Variants in ITGAV observed in about 807,000 individuals in gnomAD.
ITGAV encodes integrin alpha-V.
ITGAV carries 76 observed loss-of-function variants against 143.8 expected under a neutral mutation model. The ratio of observed to expected loss-of-function variants is 0.53; its 90% CI spans 0.44 to 0.64. ITGAV has a LOEUF of 0.64. Ranked by LOEUF, ITGAV falls within the 30% of genes least tolerant of loss-of-function variation. The pLI is 0.00. For synonymous variants in ITGAV, 453 were observed against 446.7 expected (o/e 1.01, Z -0.18); for missense variants, 1,193 against 1,274.7 (o/e 0.94, Z 0.98).
intron 11 of ITGAV, 29 bp from the exon 12 acceptor site, chr2:186,641,357 G>T: frequency 1.3e-6 from 2 of 1,580,304 alleles, no homozygotes; most frequent in Non-Finnish European, 1.7e-6. Flanking sequence ...ATTTGTTCTT[G>T]CTTTGGTGAG....
chr2:186,614,580 T>C (rs779248338), intron 2 of ITGAV, among the ~76,000 whole-genome samples: 16 of 152,058 alleles, frequency 1.1e-4, no homozygotes, highest in Non-Finnish European at 2.1e-4. Context: ...GTGAAACATA[T>C]ATCTTGTTTT....
intron 1 of ITGAV, among the ~76,000 whole-genome samples, chr2:186,599,338 T>C (rs1686833302): frequency 6.6e-6 from 1 of 152,186 alleles, no homozygotes; most frequent in Non-Finnish European, 1.5e-5. Context: ...GCCCCTCCTC[T>C]TTCGACGCTT....
chr2:186,678,639 A>G lies in ITGAV; in HGVS notation c.*1347A>G. ...CACATAGGTGGCAAGTTGTAGTTTTATATGGCTCTGTAGAGTGGTGAACCT... is the reference window on the plus strand; with the variant it reads ...CACATAGGTGGCAAGTTGTAGTTTTGTATGGCTCTGTAGAGTGGTGAACCT... On this transcript the variant is annotated 3_prime_UTR_variant, in exon 30 of 30. Coordinates refer to ENST00000261023, the MANE Select transcript of ITGAV (RefSeq NM_002210.5). 1 of 409,608 alleles carries G rather than the reference A, an allele frequency of 2.4e-6. No homozygotes were observed. Among genetic ancestry groups the G allele is most frequent in the Non-Finnish European group, 4.8e-6 (1 of 208,392 alleles). The allele number at this position is 409,608 out of a possible 1,614,324, so 25.4% of individuals were successfully genotyped here.
In ITGAV at chr2:186,649,032, GTGTGTATATATATACACACATTTA is replaced by G. The variant is rs1230308030; in HGVS notation, c.1352-807_1352-784del. Among the ~76,000 whole-genome samples, 39 of 21,920 alleles carry G rather than the reference GTGTGTATATATATACACACATTTA, an allele frequency of 1.8e-3. 1 individual carries two copies. Among genetic ancestry groups the G allele is most frequent in the African/African-American group, 4.6e-3 (35 of 7,538 alleles). The allele number at this position is 21,920 out of a possible 152,430, so 14.4% of individuals were successfully genotyped here. The stretch of plus-strand genomic sequence containing the variant: ...TTTGTGTGTATATATATACACATTT[GTGTGTATATATATACACACATTTA>G]CTTCTGTGAATTTCCTTTTTGTGTC... On this transcript the variant is annotated intron_variant, in intron 13 of 29. Transcript: ENST00000261023.
chr2:186,613,810 C>A (rs1248184091), intron 2 of ITGAV, among the ~76,000 whole-genome samples: 1 of 152,106 alleles, frequency 6.6e-6, no homozygotes, highest in East Asian at 1.9e-4. Context: ...TCAACGAAAT[C>A]ATTAACCACC....
At chr2:186,643,406 A>G (rs1366051842) in intron 12 of ITGAV, among the ~76,000 whole-genome samples, 1 of 152,230 alleles carries the variant, frequency 6.6e-6, no homozygotes, top group African/African-American at 2.4e-5. Flanking sequence ...TAGATTGTGA[A>G]TGATAATGTC....
intron 18 of ITGAV, among the ~76,000 whole-genome samples, chr2:186,663,160 C>G (rs2105740483): frequency 6.6e-6 from 1 of 152,186 alleles, no homozygotes; most frequent in African/African-American, 2.4e-5. Flanking sequence ...TTCACCTACC[C>G]TGATTGGTTA....
At position 186,678,809 on chromosome 2, in the gene ITGAV, G is replaced by T. The variant is rs200598219; in HGVS notation, c.*1517G>T. 2.3e-6 allele frequency: 1 copy of T among 432,904 alleles called. No individual in the cohort carries two copies. The highest frequency in any genetic ancestry group is 4.6e-6 in the Non-Finnish European group (1 of 218,550). 26.8% of individuals were successfully genotyped at this position (432,904 alleles called of 1,614,324 possible). A position where few individuals can be genotyped will look rare whatever the true frequency, so the allele number is the denominator to read the frequency against. On this transcript the variant is annotated 3_prime_UTR_variant, in exon 30 of 30. Coordinates refer to ENST00000261023, the MANE Select transcript of ITGAV (RefSeq NM_002210.5). ...TTAACTGCTGTCCTCATTAGGTAAT[G>T]ATAAATATTTCCCTTAAATAATTGA...
Position 186,595,814 on chromosome 2 carries a change from A to G in ITGAV, c.185+5291A>G, listed in dbSNP as rs61763613. On this transcript the variant is annotated intron_variant, in intron 1 of 29. Transcript: ENST00000261023. Reference sequence around the variant, plus strand: ...TTAAGTCACTCAGCTTCAGATTTACACTGCTAATCAGTGAAAACTCTTGTC... The same window carrying G: ...TTAAGTCACTCAGCTTCAGATTTACGCTGCTAATCAGTGAAAACTCTTGTC... Among the ~76,000 whole-genome samples the G allele has an allele frequency of 8.7e-3, 1,331 of 152,226 alleles. 11 individuals are homozygous for G. The highest frequency in any genetic ancestry group is 0.012 in the Non-Finnish European group (838 of 68,002).
chr2:186,641,726 C>A, intron 12 of ITGAV, 138 bp downstream of exon 12: 5 of 645,652 alleles, frequency 7.7e-6, no homozygotes, highest in South Asian at 2.1e-5. Flanking sequence ...GAGTAACACA[C>A]CAAATTTAAA....
intron 10 of ITGAV, among the ~76,000 whole-genome samples, chr2:186,640,350 A>G (rs1009276945): frequency 6.6e-6 from 1 of 152,212 alleles, no homozygotes; most frequent in Non-Finnish European, 1.5e-5. Flanking sequence ...GTGGCAAGTA[A>G]TCTATAGAGA....
At chr2:186,590,979 C>T (rs1200393009) in intron 1 of ITGAV, among the ~76,000 whole-genome samples, 2 of 152,098 alleles carry the variant, frequency 1.3e-5, no homozygotes, top group African/African-American at 4.8e-5. Context: ...CTAAACAAGC[C>T]CTCCCCCACT....
chr2:186,603,663 A>G (rs1686975190), intron 2 of ITGAV, among the ~76,000 whole-genome samples: 1 of 152,218 alleles, frequency 6.6e-6, no homozygotes, highest in South Asian at 2.1e-4. Context: ...ACCACAGTTT[A>G]GATTTTGATA....
intron 16 of ITGAV, 51 bp from the exon 17 acceptor site, chr2:186,656,196 G>C (rs753540195): frequency 1.4e-6 from 2 of 1,381,342 alleles, no homozygotes; most frequent in African/African-American, 1.5e-5. Context: ...GAGTAGGATA[G>C]ATAGATGTCC....
chr2:186,676,034 A>T, intron 28 of ITGAV, 107 bp downstream of exon 28: 1 of 659,820 alleles, frequency 1.5e-6, no homozygotes, highest in Non-Finnish European at 2.7e-6. Flanking sequence ...TTGATAATTT[A>T]AACTAATGAA....
intron 28 of ITGAV, 116 bp from the exon 29 acceptor site, chr2:186,676,697 A>G (rs1378584226): frequency 4.5e-6 from 5 of 1,116,010 alleles, no homozygotes; most frequent in Non-Finnish European, 5.0e-6. Flanking sequence ...AAATTATCAT[A>G]TGCAGGAAAA....
chr2:186,600,345 G>A, intron 1 of ITGAV: 1 of 1,541,804 alleles, frequency 6.5e-7, no homozygotes, highest in Non-Finnish European at 8.8e-7. Flanking sequence ...ATGCTCCTAG[G>A]CACCCTCCTT....
At chr2:186,620,095 A>G (rs1015415126) in intron 2 of ITGAV, among the ~76,000 whole-genome samples, 2 of 152,212 alleles carry the variant, frequency 1.3e-5, no homozygotes, top group Admixed American at 6.5e-5. Flanking sequence ...AAAAAATTCA[A>G]GATTACCCAC....
Position 186,667,161 on chromosome 2 carries a change from T to G in ITGAV, c.2258T>G (p.Phe753Cys), listed in dbSNP as rs1193307801. ...FDLQIQSSNL[F>C]DKVSPVVSHK... ...TTTTTCTTTTTCAGCTCAAATCTAT[T>G]TGACAAAGTAAGCCCAGTTGTATCT... Residue 753 changes from phenylalanine to cysteine, a missense_variant, in exon 23 of 30, where the codon TTT (phenylalanine) becomes TGT (cysteine). Phe to Cys is a radical substitution (Grantham distance 205, BLOSUM62 -2). Transcript: ENST00000261023. 6.2e-7 allele frequency: 1 copy of G among 1,609,624 alleles called. No individual in the cohort carries two copies. Among genetic ancestry groups the G allele is most frequent in the Non-Finnish European group, 8.5e-7 (1 of 1,178,126 alleles).
Sources: allele counts gnomAD v4.1 joint callset (sites outside exome capture counted in the v4.1 genomes callset), GRCh38; gene constraint gnomAD v4.1.1; transcripts MANE v1.5; gene names NCBI Gene and HGNC (gene_info 2026-07-23, HGNC 2026-07-21).